Variants in ADAMTS19 observed in about 807,000 individuals in gnomAD.
The protein encoded by ADAMTS19 is ADAM metallopeptidase with thrombospondin type 1 motif 19.
ADAMTS19 carries 93 observed loss-of-function variants against 153.3 expected under a neutral mutation model. The ratio of observed to expected loss-of-function variants is 0.61; its 90% confidence interval spans 0.51 to 0.72. The LOEUF is 0.72. ADAMTS19 is among the 30% of genes least tolerant of loss of function. The pLI is 0.00. For synonymous variants in ADAMTS19, 600 were observed against 556.6 expected (o/e 1.08, Z -1.10); for missense variants, 1,482 against 1,552.1 (o/e 0.95, Z 0.76).
chr5:129,678,857 C>A (rs1283837289), intron 16 of ADAMTS19, among the ~76,000 whole-genome samples: 2 of 150,158 alleles, frequency 1.3e-5, no homozygotes, highest in African/African-American at 4.9e-5. Context: ...AAATAACTAG[C>A]AGGATTTATT....
At chr5:129,685,008 A>G (rs1207789077) in intron 18 of ADAMTS19, among the ~76,000 whole-genome samples, 4 of 151,776 alleles carry the variant, frequency 2.6e-5, no homozygotes, top group East Asian at 1.9e-4. Context: ...GAAAAGAAAA[A>G]AAAAAAGAAG....
chr5:129,622,351 A>G lies in ADAMTS19; in HGVS notation c.1770+3A>G. ...CTTCTTTTTGTCAGGAGATGCAGGT[A>G]AAGATCCAGGTGGGGATTTTGTGCG... On this transcript the variant is annotated splice_donor_region_variant and intron_variant, in intron 10 of 22. Transcript: ENST00000274487. The G allele has an allele frequency of 6.2e-7, 1 of 1,613,978 alleles. No homozygotes were observed. Among genetic ancestry groups the G allele is most frequent in the Non-Finnish European group, 8.5e-7 (1 of 1,179,914 alleles).
intron 22 of ADAMTS19, among the ~76,000 whole-genome samples, chr5:129,735,725 A>G (rs1000026617): frequency 6.6e-6 from 1 of 152,026 alleles, no homozygotes; most frequent in Non-Finnish European, 1.5e-5. Context: ...CTGTTATTTA[A>G]TCTAACCCAT....
intron 10 of ADAMTS19, among the ~76,000 whole-genome samples, chr5:129,637,974 G>A (rs941147889): frequency 6.6e-6 from 1 of 152,124 alleles, no homozygotes; most frequent in Non-Finnish European, 1.5e-5. Context: ...TGAATGGGGA[G>A]GGTGGGAGGA....
intron 22 of ADAMTS19, among the ~76,000 whole-genome samples, chr5:129,735,491 C>G (rs986254078): frequency 6.6e-6 from 1 of 151,862 alleles, no homozygotes; most frequent in African/African-American, 2.4e-5. Flanking sequence ...GATAGCCTTC[C>G]TTGTGATCTG....
intron 7 of ADAMTS19, among the ~76,000 whole-genome samples, chr5:129,581,697 G>T (rs1418741047): frequency 1.3e-5 from 2 of 151,816 alleles, no homozygotes; most frequent in African/African-American, 4.8e-5. Flanking sequence ...GTGATGTTAG[G>T]GTGTTGTTGT....
chr5:129,482,473 T>C (rs1200591420), intron 2 of ADAMTS19, among the ~76,000 whole-genome samples: 1 of 152,196 alleles, frequency 6.6e-6, no homozygotes, highest in East Asian at 1.9e-4. Flanking sequence ...TTGGACCTGT[T>C]TTTCTCCAAA....
intron 8 of ADAMTS19, among the ~76,000 whole-genome samples, chr5:129,614,042 T>C (rs1296709224): frequency 6.6e-6 from 1 of 151,978 alleles, no homozygotes; most frequent in Non-Finnish European, 1.5e-5. Context: ...AAGCAATAAT[T>C]AATAGCCTAC....
At chr5:129,610,438 C>A (rs182537827) in intron 8 of ADAMTS19, among the ~76,000 whole-genome samples, 12 of 152,146 alleles carry the variant, frequency 7.9e-5, no homozygotes, top group African/African-American at 2.7e-4. Flanking sequence ...ATCCTTCCCC[C>A]CTCTACCCAC....
chr5:129,578,037 T>TACATACAC (rs1233999834), intron 7 of ADAMTS19, among the ~76,000 whole-genome samples: 1 of 100,502 alleles, frequency 1.0e-5, no homozygotes, highest in East Asian at 2.6e-4. Context: ...TTTTCAAACT[T>TACATACAC]ACATACACAC....
chr5:129,511,491 A>G lies in ADAMTS19; in HGVS notation c.913+2249A>G, dbSNP rs559599247. 5.3e-5 allele frequency among the ~76,000 whole-genome samples: 8 copies of G among 151,924 alleles called. No individual in the cohort carries two copies. In the South Asian group the frequency reaches 1.5e-3, roughly 28 times the overall value. The stretch of plus-strand genomic sequence containing the variant: ...TTTTGTTTGTAATATAAGCACAACC[A>G]GTCACCTTACAGGAATGTGGAGATA... On this transcript the variant is annotated intron_variant, in intron 3 of 22. Transcript: ENST00000274487.
chr5:129,676,230 T>C (rs1754543976), intron 16 of ADAMTS19, among the ~76,000 whole-genome samples: 2 of 152,160 alleles, frequency 1.3e-5, no homozygotes, highest in South Asian at 4.1e-4. Context: ...CTGTATTTTG[T>C]TATTTACTAT....
At chr5:129,716,782 G>A (rs545741850) in intron 21 of ADAMTS19, among the ~76,000 whole-genome samples, 46 of 151,990 alleles carry the variant, frequency 3.0e-4, no homozygotes, top group Non-Finnish European at 5.3e-4. Flanking sequence ...CCACAGCTCC[G>A]TCTATTCACG....
At chr5:129,603,224 AGTCT>A (rs1399856680) in intron 8 of ADAMTS19, among the ~76,000 whole-genome samples, 1 of 152,212 alleles carries the variant, frequency 6.6e-6, no homozygotes, top group East Asian at 1.9e-4. Flanking sequence ...GTCACTGTTC[AGTCT>A]AAGTCAGTGT....
rs537615613 is a variant in ADAMTS19 at position 129,610,276 on chromosome 5, G to A, written c.1479-10342G>A. The stretch of plus-strand genomic sequence containing the variant: ...TGTGTAAACGCAGATTAGAATGGAA[G>A]GTATTCTTTTTTATATATTCTTTTT... On this transcript the variant is annotated intron_variant, in intron 8 of 22. Transcript: ENST00000274487. 2.0e-5 allele frequency among the ~76,000 whole-genome samples: 3 copies of A among 151,976 alleles called. No individual in the cohort carries two copies. The East Asian group carries it at 5.8e-4, about 29-fold the overall frequency.
Position 129,509,203 on chromosome 5 carries a change from A to C in ADAMTS19, c.874A>C (p.Lys292Gln), listed in dbSNP as rs1206732024. 3 of 1,612,164 alleles carry C rather than the reference A, an allele frequency of 1.9e-6. No homozygotes were observed. The highest frequency in any genetic ancestry group is 2.5e-6 in the Non-Finnish European group (3 of 1,178,678). Residue 292 changes from lysine to glutamine, a missense_variant, in exon 3 of 23, where the codon AAG becomes CAG. By Grantham distance (53) the Lys-to-Gln change is moderately conservative (BLOSUM62 1). Around this residue, in one of 2 missense-constraint regions of ADAMTS19, gnomAD observed 866 missense variants for 827.7 expected, o/e 1.05. Transcript: ENST00000274487. The part of the protein sequence containing the change: ...KRSMEEKVTE[K>Q]SALHSHYCGI... ...GTCCATGGAGGAAAAGGTCACAGAG[A>C]AGTCAGCTCTTCACAGTCATTACTG...
chr5:129,648,729 C>T, intron 12 of ADAMTS19, 69 bp from the exon 13 acceptor site: 2 of 1,294,026 alleles, frequency 1.5e-6, no homozygotes, highest in East Asian at 2.5e-5. Flanking sequence ...AATATAATGG[C>T]TTTTAATTTA....
chr5:129,641,132 CTA>C (rs1379974083), intron 10 of ADAMTS19, among the ~76,000 whole-genome samples: 1 of 152,158 alleles, frequency 6.6e-6, no homozygotes, highest in Non-Finnish European at 1.5e-5. Context: ...CTCTTCATAT[CTA>C]TGTCTCTGAG....
At chr5:129,625,929 C>T (rs1040505345) in intron 10 of ADAMTS19, among the ~76,000 whole-genome samples, 3 of 152,028 alleles carry the variant, frequency 2.0e-5, no homozygotes, top group African/African-American at 7.2e-5. Flanking sequence ...ATGCCTATGT[C>T]CTGAATGGTA....
Sources: allele counts gnomAD v4.1 joint callset (sites outside exome capture counted in the v4.1 genomes callset), GRCh38; gene constraint gnomAD v4.1.1; regional missense constraint gnomAD v4.1.1; transcripts MANE v1.5; gene names NCBI Gene and HGNC (gene_info 2026-07-23, HGNC 2026-07-21).